Variants in STAU2 observed in about 807,000 individuals in gnomAD.
STAU2 encodes the protein double-stranded RNA-binding protein Staufen homolog 2.
In STAU2, 20 loss-of-function variants were observed where a neutral mutation model predicts 65.9. The ratio of observed to expected loss-of-function variants is 0.30; its 90% confidence interval spans 0.21 to 0.44. The LOEUF (loss-of-function observed/expected upper bound fraction) is 0.44. Among genes scored for constraint, STAU2 ranks in the 20% least tolerant of loss-of-function variants. The pLI, the probability that STAU2 is intolerant of heterozygous loss-of-function variation, is 1.00. For synonymous variants in STAU2, 232 were observed against 233.9 expected (o/e 0.99, Z 0.07); for missense variants, 558 against 683.9 (o/e 0.82, Z 2.05).
At chr8:73,549,354 TA>T (rs146264897) in intron 13 of STAU2, among the ~76,000 whole-genome samples, 3,751 of 152,236 alleles carry the variant, frequency 0.025, 169 homozygotes, top group African/African-American at 0.084. Context: ...TAAAATACGA[TA>T]AAAACTTTAG....
At chr8:73,599,618 T>C (rs1360833262) in intron 10 of STAU2, among the ~76,000 whole-genome samples, 1 of 152,206 alleles carries the variant, frequency 6.6e-6, no homozygotes, top group Non-Finnish European at 1.5e-5. Flanking sequence ...ATACTTTTCT[T>C]TTTTGTCTAT....
chr8:73,453,785 TTA>T (rs1818924848), intron 13 of STAU2, among the ~76,000 whole-genome samples: 1 of 150,806 alleles, frequency 6.6e-6, no homozygotes. Context: ...CATCTTTTTT[TTA>T]AAAAAAAAAG....
At chr8:73,571,042 T>C (rs1479898783) in intron 12 of STAU2, among the ~76,000 whole-genome samples, 1 of 151,950 alleles carries the variant, frequency 6.6e-6, no homozygotes, top group Non-Finnish European at 1.5e-5. Flanking sequence ...AATAAAGGGA[T>C]GGAGGAAGAT....
At chr8:73,604,712 T>C (rs1811888131) in intron 9 of STAU2, among the ~76,000 whole-genome samples, 1 of 152,088 alleles carries the variant, frequency 6.6e-6, no homozygotes, top group Admixed American at 6.5e-5. Context: ...AAAATACATA[T>C]TAAAAACCTC....
intron 13 of STAU2, among the ~76,000 whole-genome samples, chr8:73,541,362 G>A (rs1443613790): frequency 6.6e-6 from 1 of 152,128 alleles, no homozygotes; most frequent in East Asian, 1.9e-4. Flanking sequence ...CAGTTATAAG[G>A]TAGAAATACT....
intron 14 of STAU2, among the ~76,000 whole-genome samples, chr8:73,421,798 T>A (rs1816398814): frequency 6.6e-6 from 1 of 152,230 alleles, no homozygotes; most frequent in African/African-American, 2.4e-5. Flanking sequence ...CATTTAACTG[T>A]AAGATCAGTG....
At chr8:73,621,002 C>T (rs1813189639) in intron 6 of STAU2, among the ~76,000 whole-genome samples, 3 of 152,082 alleles carry the variant, frequency 2.0e-5, no homozygotes. Flanking sequence ...TAAAGAAATA[C>T]CCAAAGTTTA....
chr8:73,719,507 TGA>T (rs570934072), intron 3 of STAU2, among the ~76,000 whole-genome samples: 2 of 152,352 alleles, frequency 1.3e-5, no homozygotes, highest in East Asian at 3.9e-4. Flanking sequence ...TCTAGTTTGC[TGA>T]GAGTCTTTAT....
Position 73,673,142 on chromosome 8 carries a change from T to C in STAU2, c.375A>G (p.Arg125=), listed in dbSNP as rs1817800737. The C allele has an allele frequency of 1.3e-6, 2 of 1,599,696 alleles. No homozygotes were observed. Among genetic ancestry groups the C allele is most frequent in the Non-Finnish European group, 1.7e-6 (2 of 1,172,208 alleles). The change falls in exon 6 of 15, where the codon AGA becomes AGG. Residue 125 remains arginine (R), a synonymous_variant. Coordinates refer to ENST00000524300, the MANE Select transcript of STAU2 (RefSeq NM_001164380.2). ...PLDPKPFPNY[R]ANYNFRGMYN... ...ACATGCCCCGAAAGTTGTAATTAGC[T>C]CTATAATTTGGGAATGGCTTTGGAT...
chr8:73,630,576 G>C (rs1814017422), intron 6 of STAU2, among the ~76,000 whole-genome samples: 1 of 152,184 alleles, frequency 6.6e-6, no homozygotes, highest in Non-Finnish European at 1.5e-5. Context: ...GGACAAAATA[G>C]TTTTTGAAGA....
chr8:73,667,852 C>G (rs1469239638), intron 6 of STAU2, among the ~76,000 whole-genome samples: 1 of 152,148 alleles, frequency 6.6e-6, no homozygotes, highest in Non-Finnish European at 1.5e-5. Context: ...AGGTCCAGAG[C>G]CTTGTGCAAG....
chr8:73,491,638 A>G (rs1821160498), intron 13 of STAU2, among the ~76,000 whole-genome samples: 1 of 151,912 alleles, frequency 6.6e-6, no homozygotes, highest in Non-Finnish European at 1.5e-5. Context: ...TTAAAATCTT[A>G]TTTTCAAACA....
chr8:73,732,811 T>C (rs1370507051), intron 3 of STAU2: 2 of 152,176 alleles, frequency 1.3e-5, no homozygotes, highest in East Asian at 3.8e-4. Context: ...ATGTCTGCCG[T>C]CTGCCCTCCT....
chr8:73,576,419 G>A (rs536484413), intron 12 of STAU2, among the ~76,000 whole-genome samples: 2 of 151,586 alleles, frequency 1.3e-5, no homozygotes, highest in Admixed American at 1.3e-4. Flanking sequence ...AAAAAAAAAA[G>A]CAAAATTAAA....
intron 3 of STAU2, among the ~76,000 whole-genome samples, chr8:73,716,828 G>A (rs1821283132): frequency 6.6e-6 from 1 of 152,092 alleles, no homozygotes; most frequent in South Asian, 2.1e-4. Context: ...TCTAGGCCAG[G>A]CGCGGTGGCT....
chr8:73,497,168 G>A (rs1381647492), intron 13 of STAU2, among the ~76,000 whole-genome samples: 2 of 151,520 alleles, frequency 1.3e-5, no homozygotes, highest in Non-Finnish European at 3.0e-5. Context: ...CACAGAAAGT[G>A]GATTACTTCA....
At chr8:73,450,352 C>T (rs1818738008) in intron 13 of STAU2, among the ~76,000 whole-genome samples, 1 of 152,104 alleles carries the variant, frequency 6.6e-6, no homozygotes, top group African/African-American at 2.4e-5. Flanking sequence ...TAAAACTATT[C>T]TTCTGTGAAG....
At chr8:73,707,867 G>T (rs773154905) in intron 4 of STAU2, among the ~76,000 whole-genome samples, 1 of 151,320 alleles carries the variant, frequency 6.6e-6, no homozygotes, top group Non-Finnish European at 1.5e-5. Flanking sequence ...TTTCACAAAC[G>T]TGTGGAAGAT....
intron 12 of STAU2, among the ~76,000 whole-genome samples, chr8:73,564,032 C>T (rs1222252368): frequency 6.6e-6 from 1 of 152,152 alleles, no homozygotes; most frequent in Non-Finnish European, 1.5e-5. Context: ...TCACTTTACC[C>T]ACACCACCCC....
Sources: allele counts gnomAD v4.1 joint callset (sites outside exome capture counted in the v4.1 genomes callset), GRCh38; gene constraint gnomAD v4.1.1; transcripts MANE v1.5; gene names NCBI Gene and HGNC (gene_info 2026-07-23, HGNC 2026-07-21).